Variants in DOCK8 observed in about 807,000 individuals in gnomAD.
DOCK8 encodes dedicator of cytokinesis 8.
A neutral mutation model predicts 245.6 loss-of-function variants in DOCK8; 141 were observed. That is an observed-to-expected ratio of 0.57 (90% CI 0.50 to 0.66). The LOEUF is 0.66. Ranked by LOEUF, DOCK8 falls within the 30% of genes least tolerant of loss-of-function variation. DOCK8 has a pLI of 0.00. For missense variants in DOCK8, 2,965 were observed against 2,603.4 expected, an observed-to-expected ratio of 1.14 and a Z score of -3.02; for synonymous variants, 1,168 against 970.2, an observed-to-expected ratio of 1.20 and a Z score of -3.79.
At chr9:372,405 A>G (rs1195911222) in intron 18 of DOCK8, 119 bp downstream of exon 18, 8 of 819,586 alleles carry the variant, frequency 9.8e-6, no homozygotes, top group Admixed American at 5.5e-5. Context: ...CAGAGAGCAC[A>G]TTGTTCTGAT....
At chr9:415,935 A>G (rs2055985065) in intron 29 of DOCK8, among the ~76,000 whole-genome samples, 1 of 152,328 alleles carries the variant, frequency 6.6e-6, no homozygotes, top group African/African-American at 2.4e-5. Flanking sequence ...TTATAATACT[A>G]TTACGGTGAC....
Position 251,575 on chromosome 9 carries a change from C to A in DOCK8, c.54-20052C>A, listed in dbSNP as rs142964119. Reference sequence around the variant, plus strand: ...AGTTTCACTCCGATAGCAGCTTTTTCTGAGATGCGCCTGGTGATAACATTT... The same window carrying A: ...AGTTTCACTCCGATAGCAGCTTTTTATGAGATGCGCCTGGTGATAACATTT... On this transcript the variant is annotated intron_variant, in intron 1 of 47. Transcript: ENST00000432829. 5.0e-4 allele frequency among the ~76,000 whole-genome samples: 76 copies of A among 152,296 alleles called. 2 individuals are homozygous for A. In the East Asian group the frequency reaches 0.014, roughly 28 times the overall value.
intron 44 of DOCK8, 21 bp from the exon 45 acceptor site, chr9:449,763 A>C: frequency 6.2e-7 from 1 of 1,612,272 alleles, no homozygotes; most frequent in Non-Finnish European, 8.5e-7. Context: ...TGACTTCCCT[A>C]TGTTTACGTC....
intron 6 of DOCK8, among the ~76,000 whole-genome samples, chr9:316,732 A>G (rs1260134860): frequency 6.6e-6 from 1 of 152,212 alleles, no homozygotes; most frequent in Non-Finnish European, 1.5e-5. Flanking sequence ...AACAATAGGT[A>G]TAAGATTTTG....
intron 1 of DOCK8, among the ~76,000 whole-genome samples, chr9:263,871 A>G (rs1322818704): frequency 6.6e-6 from 1 of 152,202 alleles, no homozygotes; most frequent in African/African-American, 2.4e-5. Context: ...TGGATGTTTT[A>G]AAGATTTTTC....
intron 1 of DOCK8, among the ~76,000 whole-genome samples, chr9:216,484 GC>G (rs1471903525): frequency 7.3e-6 from 1 of 136,740 alleles, no homozygotes; most frequent in African/African-American, 2.8e-5. Flanking sequence ...CTGTGATCAT[GC>G]CACTGCATTC....
At chr9:337,929 G>A (rs926507871) in intron 12 of DOCK8, among the ~76,000 whole-genome samples, 3 of 152,182 alleles carry the variant, frequency 2.0e-5, no homozygotes, top group Non-Finnish European at 4.4e-5. Flanking sequence ...CGAGGCAGGT[G>A]GATTATGTGA....
Position 266,192 on chromosome 9 carries a change from G to A in DOCK8, c.54-5435G>A, listed in dbSNP as rs564710337. ...CCCTAAACATTCCTAGGCAGAATTA[G>A]TAACGCCTTCCTCTTTGCTAACAAG... On this transcript the variant is annotated intron_variant, in intron 1 of 47. Coordinates refer to ENST00000432829, the MANE Select transcript of DOCK8 (RefSeq NM_203447.4). 3.3e-5 allele frequency among the ~76,000 whole-genome samples: 5 copies of A among 152,244 alleles called. No individual in the cohort carries two copies. The South Asian group carries it at 1.0e-3, about 32-fold the overall frequency.
At chr9:325,920 T>A (rs2050746535) in intron 8 of DOCK8, among the ~76,000 whole-genome samples, 183 bp downstream of exon 8, 1 of 152,236 alleles carries the variant, frequency 6.6e-6, no homozygotes, top group Non-Finnish European at 1.5e-5. Context: ...TAATTTATGA[T>A]CTTTGAAGAA....
At chr9:365,840 G>T (rs1205024336) in intron 14 of DOCK8, 5 of 356,896 alleles carry the variant, frequency 1.4e-5, no homozygotes, top group Non-Finnish European at 2.2e-5. Flanking sequence ...AGCAGAGAGG[G>T]GTCTGTACCC....
intron 3 of DOCK8, among the ~76,000 whole-genome samples, chr9:288,794 A>G (rs2048927832): frequency 6.6e-6 from 1 of 152,238 alleles, no homozygotes; most frequent in Admixed American, 6.5e-5. Flanking sequence ...TGTAACCTTT[A>G]CAATATTTTA....
intron 2 of DOCK8, among the ~76,000 whole-genome samples, chr9:282,336 CCGTTATCAGCCAGGT>C (rs570589786): frequency 2.0e-5 from 3 of 152,048 alleles, no homozygotes; most frequent in Admixed American, 6.5e-5. Context: ...ATAACAGGGG[CCGTTATCAGCCAGGT>C]TTTTCATCAT....
Position 407,014 on chromosome 9 carries a change from C to G in DOCK8, c.3475C>G (p.Leu1159Val). The change falls in exon 28 of 48, where the codon CTC becomes GTC. Residue 1159 changes from leucine (L) to valine (V), a missense_variant. Leu to Val is a conservative substitution (Grantham distance 32). Transcript: ENST00000432829. ...LTSEYRQQHF[L>V]TGLLFTELAA... ...TTCCGAGTACCGCCAGCAGCACTTC[C>G]TCACCGGGCTCCTCTTCACAGAACT... is the stretch of plus-strand genomic sequence containing the variant. 1 of 1,614,138 alleles carries G rather than the reference C, an allele frequency of 6.2e-7. No homozygotes were observed. The highest frequency in any genetic ancestry group is 1.1e-5 in the South Asian group (1 of 91,082).
rs560979974 is a variant in DOCK8 at position 460,345 on chromosome 9, C to T, written c.6069-3172C>T. 5.3e-5 allele frequency: 8 copies of T among 152,300 alleles called. No individual in the cohort carries two copies. In the East Asian group the frequency reaches 1.5e-3, roughly 29 times the overall value. The allele number at this position is 152,300 out of a possible 1,614,324, so 9.4% of individuals were successfully genotyped here. On this transcript the variant is annotated intron_variant, in intron 46 of 47. Coordinates refer to ENST00000432829, the MANE Select transcript of DOCK8 (RefSeq NM_203447.4). Reference sequence around the variant, plus strand: ...TTTAGCTGATTTTACCAAAGTTGTCCGAGTAGACTTCCCCAAATTAGCTGT... The same window carrying T: ...TTTAGCTGATTTTACCAAAGTTGTCTGAGTAGACTTCCCCAAATTAGCTGT...
At chr9:390,735 C>T (rs953769703) in intron 24 of DOCK8, among the ~76,000 whole-genome samples, 169 bp downstream of exon 24, 2 of 152,130 alleles carry the variant, frequency 1.3e-5, no homozygotes, top group African/African-American at 4.8e-5. Context: ...AATTGTGTTG[C>T]TTCTACCATG....
At chr9:286,032 C>T (rs2048810595) in intron 2 of DOCK8, among the ~76,000 whole-genome samples, 1 of 152,194 alleles carries the variant, frequency 6.6e-6, no homozygotes, top group African/African-American at 2.4e-5. Context: ...AACACTCAGC[C>T]AAGGAGTGTT....
At chr9:288,595 T>C (rs1195413982) in intron 3 of DOCK8, among the ~76,000 whole-genome samples, 3 of 152,208 alleles carry the variant, frequency 2.0e-5, no homozygotes, top group African/African-American at 7.2e-5. Context: ...CAGGCAGTCT[T>C]CTAAGCACTT....
At chr9:289,411 A>G in intron 3 of DOCK8, 99 bp from the exon 4 acceptor site, 5 of 929,004 alleles carry the variant, frequency 5.4e-6, no homozygotes, top group South Asian at 1.3e-5. Flanking sequence ...TCTCACTGAT[A>G]AGGATTTAAA....
intron 1 of DOCK8, among the ~76,000 whole-genome samples, chr9:237,435 A>G (rs1376330460): frequency 6.6e-6 from 1 of 152,234 alleles, no homozygotes; most frequent in Non-Finnish European, 1.5e-5. Flanking sequence ...CAGGTGGATC[A>G]CTTCAGCTCA....
Sources: gnomAD v4.1 joint callset for allele counts (sites outside exome capture counted in the v4.1 genomes callset) on GRCh38, gnomAD v4.1.1 for gene constraint, MANE v1.5 for transcripts, NCBI Gene and HGNC (gene_info 2026-07-23, HGNC 2026-07-21) for gene names.